Variants in CELF4 observed in about 807,000 individuals in gnomAD.
CELF4 encodes CUG-BP- and ETR-3-like factor 4.
CELF4 carries 18 observed loss-of-function variants against 59.9 expected under a neutral mutation model. The observed-to-expected ratio is 0.30, with a 90% CI of 0.21 to 0.45. CELF4 has a LOEUF of 0.45. CELF4 is among the 20% of genes least tolerant of loss of function. The pLI is 1.00. For missense variants in CELF4, 456 were observed against 689.0 expected (o/e 0.66, Z 3.79); for synonymous variants, 261 against 267.1 (o/e 0.98, Z 0.22).
At chr18:37,371,616 T>C (rs1021148185) in intron 2 of CELF4, among the ~76,000 whole-genome samples, 2 of 152,200 alleles carry the variant, frequency 1.3e-5, no homozygotes, top group Non-Finnish European at 2.9e-5. Flanking sequence ...GTGTAGGCTT[T>C]CTTGATTCGT....
Position 37,279,964 on chromosome 18 carries a change from G to A in CELF4, c.449-4721C>T, listed in dbSNP as rs138602072. Reference sequence around the variant, plus strand: ...CTGCTGCCATCTGCTCTTTTAAATCGTGTCTGTGCCTGCAGGTGTGAGGGA... The same window carrying A: ...CTGCTGCCATCTGCTCTTTTAAATCATGTCTGTGCCTGCAGGTGTGAGGGA... On this transcript the variant is annotated intron_variant, in intron 3 of 12. Coordinates refer to ENST00000420428, the MANE Select transcript of CELF4 (RefSeq NM_020180.4). Among the ~76,000 whole-genome samples, 9 of 152,276 alleles carry A rather than the reference G, an allele frequency of 5.9e-5. No homozygotes were observed. The East Asian group carries it at 1.4e-3, about 23-fold the overall frequency.
chr18:37,331,903 G>A (rs925280627), intron 2 of CELF4, among the ~76,000 whole-genome samples: 1 of 152,170 alleles, frequency 6.6e-6, no homozygotes, highest in Non-Finnish European at 1.5e-5. Context: ...AGAGGATCTG[G>A]TGTGGCCATG....
chr18:37,385,638 G>C (rs1012447881), intron 2 of CELF4, among the ~76,000 whole-genome samples: 1 of 151,754 alleles, frequency 6.6e-6, no homozygotes, highest in Non-Finnish European at 1.5e-5. Context: ...GATTCATTCT[G>C]CAAACCCTGC....
At chr18:37,258,981 G>C (rs749863299) in intron 11 of CELF4, 200 bp downstream of exon 11, 50 of 693,382 alleles carry the variant, frequency 7.2e-5, no homozygotes, top group Non-Finnish European at 1.0e-4. Flanking sequence ...AGAAGGGTGA[G>C]ATGAGGCTGG....
At chr18:37,541,446 C>G (rs535359283) in intron 1 of CELF4, among the ~76,000 whole-genome samples, 13 of 152,272 alleles carry the variant, frequency 8.5e-5, no homozygotes, top group Admixed American at 4.6e-4. Flanking sequence ...ACCTTCACTG[C>G]CCTTCTTAAT....
At chr18:37,282,103 C>A (rs576236443) in intron 3 of CELF4, among the ~76,000 whole-genome samples, 14 of 152,160 alleles carry the variant, frequency 9.2e-5, no homozygotes, top group African/African-American at 3.1e-4. Flanking sequence ...GTTTTTAGCA[C>A]GTGCGTGGCA....
intron 2 of CELF4, among the ~76,000 whole-genome samples, chr18:37,333,308 C>T (rs918541965): frequency 6.6e-6 from 1 of 152,004 alleles, no homozygotes; most frequent in Admixed American, 6.6e-5. Context: ...CAAGCGACAG[C>T]TACCCTCTCC....
At chr18:37,394,802 G>A (rs2099220475) in intron 2 of CELF4, among the ~76,000 whole-genome samples, 2 of 152,098 alleles carry the variant, frequency 1.3e-5, no homozygotes, top group Admixed American at 6.5e-5. Context: ...CCCAGACCAG[G>A]GCAGCTCCTG....
At chr18:37,340,827 T>A (rs1167564706) in intron 2 of CELF4, among the ~76,000 whole-genome samples, 3 of 152,202 alleles carry the variant, frequency 2.0e-5, no homozygotes, top group Admixed American at 6.5e-5. Context: ...ACTGGCAGCA[T>A]CTCACAGGCA....
intron 1 of CELF4, among the ~76,000 whole-genome samples, chr18:37,508,720 C>T (rs1018076871): frequency 4.6e-5 from 7 of 152,206 alleles, no homozygotes; most frequent in African/African-American, 1.7e-4. Context: ...GGGCCTGAAG[C>T]CCCCCTTGCG....
chr18:37,321,092 G>A (rs1042014799), intron 3 of CELF4, among the ~76,000 whole-genome samples: 8 of 152,250 alleles, frequency 5.3e-5, no homozygotes, highest in South Asian at 2.1e-4. Context: ...GGATGGGGGG[G>A]GCAGTACAGA....
At chr18:37,309,347 G>C (rs1298711769) in intron 3 of CELF4, among the ~76,000 whole-genome samples, 1 of 152,176 alleles carries the variant, frequency 6.6e-6, no homozygotes, top group Non-Finnish European at 1.5e-5. Context: ...CATAAAATGG[G>C]AGTGATCCTC....
intron 11 of CELF4, among the ~76,000 whole-genome samples, chr18:37,257,203 G>C (rs1264375110): frequency 2.0e-5 from 3 of 152,194 alleles, no homozygotes; most frequent in African/African-American, 7.2e-5. Context: ...CACCCGGGAT[G>C]GTGCAAATAT....
At chr18:37,297,296 T>C (rs1390753803) in intron 3 of CELF4, among the ~76,000 whole-genome samples, 1 of 152,180 alleles carries the variant, frequency 6.6e-6, no homozygotes, top group East Asian at 1.9e-4. Context: ...ATCCCACCAT[T>C]AGAGCCTCAT....
chr18:37,322,242 C>A (rs2154522364), intron 2 of CELF4, among the ~76,000 whole-genome samples: 1 of 152,320 alleles, frequency 6.6e-6, no homozygotes, highest in African/African-American at 2.4e-5. Context: ...CAAAGCACAC[C>A]CTTGGCTCAG....
intron 1 of CELF4, among the ~76,000 whole-genome samples, chr18:37,489,143 C>T (rs1175422256): frequency 1.3e-5 from 2 of 152,254 alleles, no homozygotes; most frequent in East Asian, 3.9e-4. Flanking sequence ...GCAGTCCCAC[C>T]CCGGGCCCTT....
At position 37,522,784 on chromosome 18, in the gene CELF4, C is replaced by T. The variant is rs532550467; in HGVS notation, c.287-37177G>A. ...TGGCTTCCTTCTCTCTTCTCTGAGC[C>T]CACCCTGTGGGGCAGCACCAAATCT... On this transcript the variant is annotated intron_variant, in intron 1 of 12. Transcript: ENST00000420428. 3.3e-3 allele frequency among the ~76,000 whole-genome samples: 510 copies of T among 152,248 alleles called. 3 individuals carry two copies. The highest frequency in any genetic ancestry group is 5.3e-3 in the Non-Finnish European group (359 of 68,022).
chr18:37,499,327 G>A (rs532899161), intron 1 of CELF4, among the ~76,000 whole-genome samples: 59 of 152,360 alleles, frequency 3.9e-4, no homozygotes, highest in Admixed American at 3.9e-3. Flanking sequence ...AGGCACCTCA[G>A]TGCCAATTGT....
chr18:37,338,513 G>A (rs189243887), intron 2 of CELF4, among the ~76,000 whole-genome samples: 180 of 152,294 alleles, frequency 1.2e-3, no homozygotes, highest in Middle Eastern at 3.4e-3. Flanking sequence ...TGCTAGTGAT[G>A]GGATTCTGGG....
Sources: gnomAD v4.1 joint callset for allele counts (sites outside exome capture counted in the v4.1 genomes callset) on GRCh38, gnomAD v4.1.1 for gene constraint, MANE v1.5 for transcripts, NCBI Gene and HGNC (gene_info 2026-07-23, HGNC 2026-07-21) for gene names.